The following RBFOX1 variants were observed in gnomAD, a reference collection of about 807,000 sequenced individuals.
The protein encoded by RBFOX1 is RNA binding fox-1 homolog 1, also known as RNA binding protein fox-1 homolog 1.
In RBFOX1, 8 loss-of-function variants were observed where a neutral mutation model predicts 57.7. The observed-to-expected ratio is 0.14, with a 90% CI of 0.08 to 0.25. The LOEUF is 0.25. Ranked by LOEUF, RBFOX1 falls within the 10% of genes least tolerant of loss-of-function variation. The pLI, the probability that RBFOX1 is intolerant of heterozygous loss-of-function variation, is 1.00. For missense variants in RBFOX1, 611 were observed against 548.5 expected (o/e 1.11, Z -1.14); for synonymous variants, 326 against 222.4 (o/e 1.47, Z -4.15).
intron 4 of RBFOX1, among the ~76,000 whole-genome samples, chr16:7,225,202 G>A (rs1165418079): frequency 6.6e-6 from 1 of 152,150 alleles, no homozygotes; most frequent in Non-Finnish European, 1.5e-5. Flanking sequence ...AAGTGCACGT[G>A]ATCTCCTTTC....
At chr16:6,083,499 T>C (rs532631643) in intron 1 of RBFOX1, among the ~76,000 whole-genome samples, 2 of 152,140 alleles carry the variant, frequency 1.3e-5, no homozygotes, top group Non-Finnish European at 2.9e-5. Context: ...GTTTTTGAGA[T>C]AGGGTCTTGC....
intron 4 of RBFOX1, among the ~76,000 whole-genome samples, chr16:7,327,846 A>T (rs1173579605): frequency 6.6e-6 from 1 of 151,808 alleles, no homozygotes; most frequent in Non-Finnish European, 1.5e-5. Flanking sequence ...ACAAATCATT[A>T]TCATGATCAT....
rs552544887 is a variant in RBFOX1, at chr16:5,575,287, G to A, written c.259-23615G>A. On this transcript the variant is annotated intron_variant, in intron 2 of 2. Transcript: ENST00000585867. Reference sequence around the variant, plus strand: ...GAAAAGCAAACCATTGATCATTATCGTCGTCATCATCATCATTTTCATTAT... The same window carrying A: ...GAAAAGCAAACCATTGATCATTATCATCGTCATCATCATCATTTTCATTAT... 2.5e-4 allele frequency among the ~76,000 whole-genome samples: 38 copies of A among 152,166 alleles called. No individual in the cohort carries two copies. In the South Asian group the frequency reaches 5.0e-3, roughly 20 times the overall value.
intron 1 of RBFOX1, among the ~76,000 whole-genome samples, chr16:5,431,622 C>A (rs941624300): frequency 6.6e-6 from 1 of 152,144 alleles, no homozygotes; most frequent in Non-Finnish European, 1.5e-5. Flanking sequence ...ATCCGCCCGC[C>A]TCAGCCTCCC....
At chr16:7,198,097 C>T (rs2087257512) in intron 4 of RBFOX1, among the ~76,000 whole-genome samples, 1 of 148,434 alleles carries the variant, frequency 6.7e-6, no homozygotes, top group South Asian at 2.2e-4. Context: ...GCTCCACCTC[C>T]TGGGTTCACG....
At chr16:6,744,711 CA>C (rs2073151812) in intron 3 of RBFOX1, among the ~76,000 whole-genome samples, 1 of 151,960 alleles carries the variant, frequency 6.6e-6, no homozygotes, top group Non-Finnish European at 1.5e-5. Flanking sequence ...AAGAGAAATT[CA>C]TAGCATTAAA....
chr16:7,370,016 T>A (rs971348935), intron 4 of RBFOX1, among the ~76,000 whole-genome samples: 14 of 152,204 alleles, frequency 9.2e-5, no homozygotes, highest in African/African-American at 3.1e-4. Flanking sequence ...ACTTTTTAAT[T>A]ACTCTAAGTC....
intron 5 of RBFOX1, among the ~76,000 whole-genome samples, chr16:7,540,060 T>C (rs1292344853): frequency 6.6e-6 from 1 of 152,212 alleles, no homozygotes; most frequent in Admixed American, 6.5e-5. Context: ...ATTATTATCA[T>C]GTATGTCATT....
intron 1 of RBFOX1, among the ~76,000 whole-genome samples, chr16:5,413,948 T>A (rs2067092093): frequency 6.6e-6 from 1 of 152,162 alleles, no homozygotes; most frequent in East Asian, 1.9e-4. Flanking sequence ...CGGAATCAAA[T>A]CCCTTTTGGT....
At position 7,193,121 on chromosome 16, in the gene RBFOX1, C is replaced by T. The variant is rs980790665; in HGVS notation, c.27+141023C>T. 5.3e-5 allele frequency among the ~76,000 whole-genome samples: 8 copies of T among 152,124 alleles called. 1 individual carries two copies. Among genetic ancestry groups the T allele is most frequent in the African/African-American group, 1.9e-4 (8 of 41,402 alleles). On this transcript the variant is annotated intron_variant, in intron 4 of 15. Coordinates refer to ENST00000550418, the MANE Select transcript of RBFOX1 (RefSeq NM_018723.4). ...GAGTTAGGCTTGCTAATCGGTTGGC[C>T]TTGAGATAGGCGCATTATCCTGGAT...
At chr16:7,248,359 C>T (rs2094388235) in intron 4 of RBFOX1, among the ~76,000 whole-genome samples, 1 of 152,186 alleles carries the variant, frequency 6.6e-6, no homozygotes, top group Non-Finnish European at 1.5e-5. Context: ...GTCAGCTCTT[C>T]TAGTAGGATG....
At chr16:5,902,951 T>A (rs2058342695) in intron 4 of RBFOX1, among the ~76,000 whole-genome samples, 1 of 152,160 alleles carries the variant, frequency 6.6e-6, no homozygotes, top group Non-Finnish European at 1.5e-5. Flanking sequence ...TTGTCTCTAC[T>A]ACAGTTCTTA....
At chr16:7,539,789 A>G (rs1034763757) in intron 5 of RBFOX1, among the ~76,000 whole-genome samples, 36 of 152,302 alleles carry the variant, frequency 2.4e-4, no homozygotes, top group Middle Eastern at 6.8e-3. Flanking sequence ...GGCTTGGGAG[A>G]TGAAAGACGA....
intron 4 of RBFOX1, among the ~76,000 whole-genome samples, chr16:7,285,378 T>TTGTGTG (rs113808623): frequency 7.4e-5 from 11 of 147,670 alleles, no homozygotes; most frequent in East Asian, 2.0e-4. Flanking sequence ...CTTGCATTAA[T>TTGTGTG]TGTGTGTGTG....
At chr16:7,228,313 C>A (rs903965157) in intron 4 of RBFOX1, among the ~76,000 whole-genome samples, 2 of 152,086 alleles carry the variant, frequency 1.3e-5, no homozygotes, top group Admixed American at 6.5e-5. Context: ...GATTATTATT[C>A]ACATATTAGG....
chr16:6,316,442 A>C (rs1044030895), intron 1 of RBFOX1, among the ~76,000 whole-genome samples: 1 of 152,322 alleles, frequency 6.6e-6, no homozygotes, highest in African/African-American at 2.4e-5. Context: ...AAATTAAATC[A>C]TTTCCATATT....
chr16:5,289,228 C>G (rs1328995317), intron 1 of RBFOX1: 1 of 361,712 alleles, frequency 2.8e-6, no homozygotes, highest in Non-Finnish European at 5.4e-6. Flanking sequence ...TCTGGGCTGA[C>G]TGGGCACCAT....
intron 3 of RBFOX1, among the ~76,000 whole-genome samples, chr16:6,778,047 C>T (rs1332220763): frequency 6.6e-6 from 1 of 152,082 alleles, no homozygotes; most frequent in African/African-American, 2.4e-5. Flanking sequence ...TGGGATAAAT[C>T]TTGTCATTTC....
intron 2 of RBFOX1, among the ~76,000 whole-genome samples, chr16:6,348,889 C>G (rs1004962702): frequency 2.6e-5 from 4 of 152,092 alleles, no homozygotes; most frequent in Non-Finnish European, 4.4e-5. Context: ...AGATGGCAAC[C>G]CAGGAAAAGC....
Sources: gnomAD v4.1 joint callset for allele counts (sites outside exome capture counted in the v4.1 genomes callset) on GRCh38, gnomAD v4.1.1 for gene constraint, MANE v1.5 for transcripts, NCBI Gene and HGNC (gene_info 2026-07-23, HGNC 2026-07-21) for gene names.